The following RALGAPA2 variants were observed in gnomAD, a reference collection of about 807,000 sequenced individuals.
The protein encoded by RALGAPA2 is Ral GTPase activating protein catalytic subunit alpha 2.
A neutral mutation model predicts 230.4 loss-of-function variants in RALGAPA2; 139 were observed. That is an observed-to-expected ratio of 0.60 (90% CI 0.53 to 0.69). RALGAPA2 has a LOEUF of 0.69. Among genes scored for constraint, RALGAPA2 ranks in the 30% least tolerant of loss-of-function variants. The pLI is 0.00. For missense variants in RALGAPA2, 2,163 were observed against 2,276.0 expected, an observed-to-expected ratio of 0.95 and a Z score of 1.01; for synonymous variants, 847 against 837.8, an observed-to-expected ratio of 1.01 and a Z score of -0.19.
intron 37 of RALGAPA2, among the ~76,000 whole-genome samples, chr20:20,462,676 C>T (rs1045639637): frequency 2.6e-5 from 4 of 152,192 alleles, no homozygotes; most frequent in African/African-American, 9.7e-5. Context: ...AAGTATTCTG[C>T]TTTCATTAAA....
At chr20:20,563,492 T>C (rs6082050) in intron 23 of RALGAPA2, among the ~76,000 whole-genome samples, 10,858 of 152,242 alleles carry the variant, frequency 0.071, 530 homozygotes, top group East Asian at 0.16. Flanking sequence ...ACAGAGAAAA[T>C]GTCCCTGGAA....
chr20:20,531,344 C>T (rs2063360947), intron 27 of RALGAPA2, among the ~76,000 whole-genome samples: 1 of 152,198 alleles, frequency 6.6e-6, no homozygotes, highest in Non-Finnish European at 1.5e-5. Context: ...GGTGTGGAGG[C>T]CTCTCCCAGG....
chr20:20,556,069 G>C (rs951294628), intron 23 of RALGAPA2, among the ~76,000 whole-genome samples: 1 of 152,082 alleles, frequency 6.6e-6, no homozygotes, highest in African/African-American at 2.4e-5. Flanking sequence ...CTTGTTTGGT[G>C]GCAAACAAGC....
Position 20,619,388 on chromosome 20 carries a change from T to A in RALGAPA2, c.1428A>T (p.Lys476Asn). ...KEASSESSGH[K>N]RSSSWGRTYS... ...ATGTGCGTCCCCAACTGGAAGATCG[T>A]TTATGACCAGAACTTTCAGATGAGG... Residue 476 changes from lysine (K) to asparagine (N), a missense_variant, in exon 12 of 40, where the codon AAA becomes AAT. Transcript: ENST00000202677. 1 of 1,606,234 alleles carries A rather than the reference T, an allele frequency of 6.2e-7. No homozygotes were observed. Among genetic ancestry groups the A allele is most frequent in the Non-Finnish European group, 8.5e-7 (1 of 1,175,122 alleles).
chr20:20,539,471 T>A (rs1165239235), intron 24 of RALGAPA2, among the ~76,000 whole-genome samples: 1 of 152,222 alleles, frequency 6.6e-6, no homozygotes, highest in Non-Finnish European at 1.5e-5. Context: ...TTGTGTTGAT[T>A]CTTTTTTCAA....
intron 37 of RALGAPA2, among the ~76,000 whole-genome samples, chr20:20,450,027 G>A (rs2060953075): frequency 6.6e-6 from 1 of 151,994 alleles, no homozygotes; most frequent in Non-Finnish European, 1.5e-5. Flanking sequence ...TCGCTTCCTG[G>A]GCTTTGATTT....
At chr20:20,442,569 G>T (rs2060761221) in intron 37 of RALGAPA2, among the ~76,000 whole-genome samples, 1 of 152,230 alleles carries the variant, frequency 6.6e-6, no homozygotes, top group Admixed American at 6.5e-5. Context: ...AAATATAAAT[G>T]TTTTAGTTTT....
intron 1 of RALGAPA2, among the ~76,000 whole-genome samples, chr20:20,691,283 T>C (rs2068895290): frequency 6.6e-6 from 1 of 152,134 alleles, no homozygotes; most frequent in South Asian, 2.1e-4. Flanking sequence ...TTCCCTTCTT[T>C]CTCAATTTAA....
intron 4 of RALGAPA2, among the ~76,000 whole-genome samples, chr20:20,651,771 T>C (rs1459930028): frequency 6.6e-6 from 1 of 152,214 alleles, no homozygotes; most frequent in Non-Finnish European, 1.5e-5. Context: ...AAAATTAGCA[T>C]AGTTTTCATA....
chr20:20,670,641 T>TA lies in RALGAPA2; in HGVS notation c.270+5594dup, dbSNP rs11478509. Among the ~76,000 whole-genome samples, 920 of 129,786 alleles carry TA rather than the reference T, an allele frequency of 7.1e-3. 11 individuals carry two copies. The highest frequency in any genetic ancestry group is 0.041 in the South Asian group (174 of 4,214). The allele number at this position is 129,786 out of a possible 152,430, so 85.1% of individuals were successfully genotyped here. A position where few individuals can be genotyped will look rare whatever the true frequency, so the allele number is the denominator to read the frequency against. On this transcript the variant is annotated intron_variant, in intron 3 of 39. Coordinates refer to ENST00000202677, the MANE Select transcript of RALGAPA2 (RefSeq NM_020343.4). ...AGTACAGTAAGAGTCATAACCATAG[T>TA]AAAAAAAAAAAAAAAAGTATGATAG...
intron 26 of RALGAPA2, 45 bp downstream of exon 26, chr20:20,535,700 G>C: frequency 6.5e-7 from 1 of 1,530,000 alleles, no homozygotes; most frequent in Non-Finnish European, 8.8e-7. Context: ...ACATAAATGT[G>C]TATCTTAAAA....
intron 37 of RALGAPA2, among the ~76,000 whole-genome samples, chr20:20,457,747 A>G (rs1284519127): frequency 6.6e-6 from 1 of 152,268 alleles, no homozygotes; most frequent in African/African-American, 2.4e-5. Context: ...CGGTGTGAGT[A>G]AAATCAGTGA....
At position 20,653,486 on chromosome 20, in the gene RALGAPA2, C is replaced by G. The variant is rs1399250617; in HGVS notation, c.328+44G>C. 2.8e-6 allele frequency: 3 copies of G among 1,060,184 alleles called. No homozygotes were observed. The Admixed American group carries it at 7.2e-5, about 25-fold the overall frequency. The allele number at this position is 1,060,184 out of a possible 1,614,324, so 65.7% of individuals were successfully genotyped here. ...ATATAAAACATTACTGAAAATTCAA[C>G]TGGAAGAAATTCATATTACTAAAAA... On this transcript the variant is annotated intron_variant, in intron 4 of 39. Transcript: ENST00000202677.
chr20:20,456,614 C>G (rs780248599), intron 37 of RALGAPA2, among the ~76,000 whole-genome samples: 6 of 152,216 alleles, frequency 3.9e-5, no homozygotes, highest in South Asian at 2.1e-4. Context: ...ATGTCAGAAG[C>G]CTGACTGCTG....
chr20:20,542,973 A>T (rs1602718801), intron 24 of RALGAPA2, among the ~76,000 whole-genome samples: 2 of 152,352 alleles, frequency 1.3e-5, no homozygotes, highest in Middle Eastern at 3.4e-3. Context: ...GTGAACAGGC[A>T]ACCTACAGAA....
intron 15 of RALGAPA2, among the ~76,000 whole-genome samples, chr20:20,602,916 G>A (rs1169091995): frequency 1.3e-5 from 2 of 151,878 alleles, no homozygotes; most frequent in Non-Finnish European, 2.9e-5. Context: ...TCCTATTTCA[G>A]CTCTCCTCCT....
chr20:20,603,868 C>T (rs1399913085), intron 15 of RALGAPA2, among the ~76,000 whole-genome samples: 3 of 152,138 alleles, frequency 2.0e-5, no homozygotes, highest in African/African-American at 7.2e-5. Flanking sequence ...TATAAGGCAG[C>T]TGGTATTATT....
chr20:20,429,093 C>T (rs994762771), intron 37 of RALGAPA2, among the ~76,000 whole-genome samples: 2 of 152,074 alleles, frequency 1.3e-5, no homozygotes, highest in African/African-American at 4.8e-5. Context: ...TCATGAAGCT[C>T]TTTGTAGCCA....
intron 36 of RALGAPA2, among the ~76,000 whole-genome samples, chr20:20,491,635 T>C (rs1264306378): frequency 1.3e-5 from 2 of 152,208 alleles, no homozygotes; most frequent in East Asian, 3.9e-4. Context: ...AACAAACCCC[T>C]TGAATCACTC....
Sources: allele counts gnomAD v4.1 joint callset (sites outside exome capture counted in the v4.1 genomes callset), GRCh38; gene constraint gnomAD v4.1.1; transcripts MANE v1.5; gene names NCBI Gene and HGNC (gene_info 2026-07-23, HGNC 2026-07-21).